PCDH15: variants seen among roughly 807,000 people sequenced by gnomAD.
PCDH15 encodes protocadherin related 15.
A neutral mutation model predicts 178.5 loss-of-function variants in PCDH15; 129 were observed. The observed-to-expected ratio is 0.72, with a 90% CI of 0.63 to 0.84. The LOEUF (loss-of-function observed/expected upper bound fraction) is 0.84. Ranked by LOEUF, PCDH15 falls within the 40% of genes least tolerant of loss-of-function variation. The probability of loss-of-function intolerance (pLI) is 0.00; values close to 1 mark genes in which losing one functional copy is unlikely to be tolerated. For synonymous variants in PCDH15, 800 were observed against 732.0 expected (o/e 1.09, Z -1.50); for missense variants, 2,230 against 2,099.9 (o/e 1.06, Z -1.21).
At chr10:55,477,457 G>T (rs1840084663) in intron 2 of PCDH15, among the ~76,000 whole-genome samples, 1 of 151,890 alleles carries the variant, frequency 6.6e-6, no homozygotes, top group South Asian at 2.1e-4. Flanking sequence ...TTAGATTCTG[G>T]TCATAAGCAG....
At chr10:54,919,383 C>G (rs1300444706) in intron 2 of PCDH15, among the ~76,000 whole-genome samples, 1 of 152,138 alleles carries the variant, frequency 6.6e-6, no homozygotes, top group Non-Finnish European at 1.5e-5. Flanking sequence ...TTTGCTCAAT[C>G]TCTATTAGCC....
Position 54,950,987 on chromosome 10 carries a change from C to G in PCDH15, c.-79-53487G>C, listed in dbSNP as rs1392980793. On this transcript the variant is annotated intron_variant, in intron 2 of 5. Coordinates refer to the PCDH15 transcript ENST00000458638. Reference sequence around the variant, plus strand: ...TTGCAAATATTTCCTCACCTCCACCCCTACAAAATATAGGTTCCCCTATTC... The same window carrying G: ...TTGCAAATATTTCCTCACCTCCACCGCTACAAAATATAGGTTCCCCTATTC... 4.0e-5 allele frequency among the ~76,000 whole-genome samples: 6 copies of G among 151,826 alleles called. No homozygotes were observed. The East Asian group carries it at 1.2e-3, about 29-fold the overall frequency.
intron 10 of PCDH15, among the ~76,000 whole-genome samples, chr10:54,202,459 C>T (rs552923649): frequency 1.3e-5 from 2 of 152,158 alleles, no homozygotes; most frequent in South Asian, 4.1e-4. Flanking sequence ...GGCAACCACA[C>T]AAGGCAATCA....
At position 54,185,192 on chromosome 10, in the gene PCDH15, C is replaced by T. The variant is rs762095586; in HGVS notation, c.1382G>A (p.Arg461His). 25 of 1,613,394 alleles carry T rather than the reference C, an allele frequency of 1.5e-5. No individual in the cohort carries two copies. The highest frequency in any genetic ancestry group is 1.9e-5 in the Non-Finnish European group (23 of 1,179,664). ...CACTGGTTGAAGTAAGGTGAGGTAGCGAGTAATACCAGTCTGTGTGACGGT... is the reference window on the plus strand; with the variant it reads ...CACTGGTTGAAGTAAGGTGAGGTAGTGAGTAATACCAGTCTGTGTGACGGT... ...VFTVTQTGIT[R>H]YLTLLQPVDR... The change falls in exon 12 of 38, where the codon CGC becomes CAC. Residue 461 changes from arginine to histidine, a missense_variant. Physicochemically the swap from Arg to His is conservative, Grantham distance 29. Transcript: ENST00000644397.
At chr10:53,816,744 T>C (rs2076073174) in intron 34 of PCDH15, among the ~76,000 whole-genome samples, 1 of 152,314 alleles carries the variant, frequency 6.6e-6, no homozygotes, top group Non-Finnish European at 1.5e-5. Context: ...AAAGTTGTAA[T>C]GTATCTATCA....
intron 8 of PCDH15, among the ~76,000 whole-genome samples, chr10:54,287,098 T>G (rs189983503): frequency 2.0e-5 from 3 of 152,362 alleles, no homozygotes; most frequent in South Asian, 4.1e-4. Flanking sequence ...GCTTAAGACC[T>G]CTAGTATTTC....
intron 25 of PCDH15, among the ~76,000 whole-genome samples, chr10:53,928,295 C>T (rs1333602990): frequency 6.6e-6 from 1 of 151,670 alleles, no homozygotes; most frequent in Non-Finnish European, 1.5e-5. Flanking sequence ...CCAGTAAGAT[C>T]AGCTACTTGT....
intron 9 of PCDH15, among the ~76,000 whole-genome samples, chr10:54,229,815 A>G (rs1462987001): frequency 6.6e-6 from 1 of 152,222 alleles, no homozygotes; most frequent in African/African-American, 2.4e-5. Flanking sequence ...AAACGGAATA[A>G]TATACTAACA....
chr10:53,945,694 T>C (rs1466743453), intron 23 of PCDH15, among the ~76,000 whole-genome samples: 1 of 151,828 alleles, frequency 6.6e-6, no homozygotes, highest in Non-Finnish European at 1.5e-5. Flanking sequence ...CTGTGCCTGA[T>C]GCATTTTAGT....
intron 15 of PCDH15, among the ~76,000 whole-genome samples, chr10:54,108,937 C>T (rs2094963722): frequency 6.6e-6 from 1 of 152,046 alleles, no homozygotes; most frequent in South Asian, 2.1e-4. Flanking sequence ...CCTGGTAGGA[C>T]CCATCAACTG....
At chr10:54,016,786 T>A (rs1228068622) in intron 20 of PCDH15, among the ~76,000 whole-genome samples, 1 of 152,126 alleles carries the variant, frequency 6.6e-6, no homozygotes, top group African/African-American at 2.4e-5. Context: ...AGGTACTATG[T>A]TCATTACCTG....
chr10:55,463,977 AAGAAAGAAAGAAAG>A (rs1565165763), intron 2 of PCDH15, among the ~76,000 whole-genome samples: 5 of 33,828 alleles, frequency 1.5e-4, no homozygotes, highest in African/African-American at 5.9e-4. Flanking sequence ...AAGAAAGAGA[AAGAAAGAAAGAAAG>A]AGAAAGAAAG....
intron 11 of PCDH15, among the ~76,000 whole-genome samples, chr10:54,192,057 G>A (rs1226609034): frequency 1.4e-5 from 2 of 148,040 alleles, no homozygotes; most frequent in African/African-American, 2.5e-5. Context: ...AGGCAGGAAG[G>A]CAGGCAGGCA....
At chr10:54,109,259 C>T (rs920137022) in intron 15 of PCDH15, among the ~76,000 whole-genome samples, 7 of 152,124 alleles carry the variant, frequency 4.6e-5, no homozygotes, top group Non-Finnish European at 1.0e-4. Context: ...GGATGAAAAT[C>T]AAAATATGGC....
chr10:54,361,990 C>T (rs1946121383), intron 5 of PCDH15, among the ~76,000 whole-genome samples: 1 of 151,956 alleles, frequency 6.6e-6, no homozygotes, highest in Non-Finnish European at 1.5e-5. Context: ...TAATGCTTCC[C>T]TATTTCTACA....
At chr10:54,346,317 A>G (rs780538075) in intron 6 of PCDH15, 48 bp downstream of exon 6, 1 of 1,579,024 alleles carries the variant, frequency 6.3e-7, no homozygotes, top group East Asian at 2.2e-5. Flanking sequence ...AAAATCATTA[A>G]TTTTATTCCT....
In PCDH15 at chr10:54,023,084, G is replaced by C; in HGVS notation, c.2334C>G (p.Asn778Lys). 1 of 1,613,936 alleles carries C rather than the reference G, an allele frequency of 6.2e-7. No homozygotes were observed. The highest frequency in any genetic ancestry group is 8.5e-7 in the Non-Finnish European group (1 of 1,179,900). Residue 778 changes from asparagine (N) to lysine (K), a missense_variant, in exon 19 of 38, where the codon AAC becomes AAG. Physicochemically the swap from Asn to Lys is moderately conservative, Grantham distance 94 (BLOSUM62 0). Transcript: ENST00000644397. The part of the protein sequence containing the change: ...NGSIYTAVKL[N>K]REVRDYYELV... Reference sequence around the variant, plus strand: ...GTTCATAGTAGTCCCTGACTTCTCTGTTAAGCTTCACTGCTGTGTAAATGC... The same window carrying C: ...GTTCATAGTAGTCCCTGACTTCTCTCTTAAGCTTCACTGCTGTGTAAATGC...
chr10:54,962,060 G>T (rs1838670399), intron 2 of PCDH15, among the ~76,000 whole-genome samples: 1 of 152,194 alleles, frequency 6.6e-6, no homozygotes, highest in South Asian at 2.1e-4. Context: ...CCCTCCAGTT[G>T]TCCACATAAC....
intron 18 of PCDH15, among the ~76,000 whole-genome samples, chr10:54,030,686 C>A (rs956364741): frequency 6.6e-5 from 10 of 152,108 alleles, no homozygotes; most frequent in African/African-American, 2.4e-4. Context: ...CTAAGATACA[C>A]AATAAACTAC....
Sources: gnomAD v4.1 joint callset for allele counts (sites outside exome capture counted in the v4.1 genomes callset) on GRCh38, gnomAD v4.1.1 for gene constraint, MANE v1.5 for transcripts, NCBI Gene and HGNC (gene_info 2026-07-23, HGNC 2026-07-21) for gene names.